The following THAP8 variants were observed in gnomAD, a reference collection of about 807,000 sequenced individuals.
THAP8 encodes THAP domain-containing protein 8.
In THAP8, 24 loss-of-function variants were observed where a neutral mutation model predicts 25.0. The observed-to-expected ratio is 0.96, with a 90% CI of 0.69 to 1.35. The LOEUF (loss-of-function observed/expected upper bound fraction) is 1.35. THAP8 is among the 40% of genes most tolerant of loss of function. The pLI is 0.00. For missense variants in THAP8, 399 were observed against 368.8 expected, an observed-to-expected ratio of 1.08 and a Z score of -0.67; for synonymous variants, 169 against 157.6, an observed-to-expected ratio of 1.07 and a Z score of -0.54.
chr19:36,036,272 CT>C (rs35918803), intron 3 of THAP8, among the ~76,000 whole-genome samples: 64 of 110,462 alleles, frequency 5.8e-4, no homozygotes, highest in South Asian at 5.2e-3. Flanking sequence ...AAAGACCAGA[CT>C]TTTTTTTTTT....
At chr19:36,054,573 C>T, upstream of THAP8, 1 of 547,170 alleles carries the variant, frequency 1.8e-6, no homozygotes, top group Non-Finnish European at 3.3e-6. Flanking sequence ...TACGGCTCCA[C>T]CCTACGCCTA....
intron 3 of THAP8, among the ~76,000 whole-genome samples, chr19:36,037,343 T>TACACACACACACACACAC (rs58349186): frequency 9.7e-4 from 111 of 114,816 alleles, no homozygotes; most frequent in African/African-American, 3.4e-3. Context: ...ATTCCTCCCC[T>TACACACACACACACACAC]ACACACACAC....
intron 3 of THAP8, among the ~76,000 whole-genome samples, chr19:36,036,245 T>G (rs1333120860): frequency 6.7e-6 from 1 of 150,168 alleles, no homozygotes; most frequent in Non-Finnish European, 1.5e-5. Flanking sequence ...TGCTGCTAGA[T>G]ATGCAGAGCC....
chr19:36,046,122 C>T (rs1199348545), intron 1 of THAP8: 2 of 356,724 alleles, frequency 5.6e-6, no homozygotes, highest in Non-Finnish European at 1.1e-5. Flanking sequence ...TGGGAGGTGA[C>T]TGGATCATGG....
intron 1 of THAP8, among the ~76,000 whole-genome samples, chr19:36,045,264 ATATTTATT>A (rs777511323): frequency 1.1e-4 from 16 of 148,998 alleles, no homozygotes; most frequent in South Asian, 2.1e-4. Flanking sequence ...ATTTTTTTGT[ATATTTATT>A]TATTTATTTA....
chr19:36,044,224 GT>G lies in THAP8; in HGVS notation c.84-4089del, dbSNP rs199951171. ...AAGCTGCTAAATTTGGGGATAGTTT[GT>G]TATATAGCATTAGATAACTAAGACA... On this transcript the variant is annotated intron_variant, in intron 1 of 3. Transcript: ENST00000292894. 5.0e-4 allele frequency among the ~76,000 whole-genome samples: 76 copies of G among 152,242 alleles called. 1 individual carries two copies. The East Asian group carries it at 0.012, about 25-fold the overall frequency.
At chr19:36,037,276 ACACCT>A (rs2145425892) in intron 3 of THAP8, among the ~76,000 whole-genome samples, 1 of 125,052 alleles carries the variant, frequency 8.0e-6, no homozygotes, top group East Asian at 2.3e-4. Flanking sequence ...ACACACACAC[ACACCT>A]TCCTCAGCTT....
intron 1 of THAP8, among the ~76,000 whole-genome samples, chr19:36,048,429 G>C (rs1464557283): frequency 1.3e-5 from 2 of 151,242 alleles, no homozygotes; most frequent in South Asian, 2.1e-4. Flanking sequence ...GCAGTGGCGC[G>C]ATCTTGGCTG....
chr19:36,054,331 T>G, upstream of THAP8: 1 of 1,276,088 alleles, frequency 7.8e-7, no homozygotes, highest in South Asian at 1.3e-5. Flanking sequence ...GTGACGTCCG[T>G]GGAGTCTCGT....
intron 1 of THAP8, chr19:36,046,065 A>T (rs1282552574): frequency 1.1e-5 from 4 of 364,084 alleles, no homozygotes; most frequent in Non-Finnish European, 2.2e-5. Context: ...TCCCCACCCA[A>T]ATCTCATCTT....
chr19:36,040,013 C>A lies in THAP8; in HGVS notation c.207G>T (p.Trp69Cys). ...SEHFTPSCFQ[W>C]RWGVRYLRPD... ...GCCGCAGGTAGCGCACACCCCAGCGCCACTGGAAGCAGGAGGGTGTGAAGT... is the reference window on the plus strand; with the variant it reads ...GCCGCAGGTAGCGCACACCCCAGCGACACTGGAAGCAGGAGGGTGTGAAGT... The change falls in exon 2 of 4, where the codon TGG becomes TGT. Residue 69 changes from tryptophan to cysteine, a missense_variant. Physicochemically the swap from Trp to Cys is radical, Grantham distance 215. Coordinates refer to ENST00000292894, the MANE Select transcript of THAP8 (RefSeq NM_152658.3). 6.2e-7 allele frequency: 1 copy of A among 1,613,822 alleles called. No homozygotes were observed. Among genetic ancestry groups the A allele is most frequent in the South Asian group, 1.1e-5 (1 of 91,084 alleles).
chr19:36,050,796 G>A (rs1970034221), intron 1 of THAP8, among the ~76,000 whole-genome samples: 1 of 152,154 alleles, frequency 6.6e-6, no homozygotes, highest in African/African-American at 2.4e-5. Flanking sequence ...GTCATACACA[G>A]GCTTAAAGTC....
At chr19:36,038,865 AAATT>A (rs1969575873) in intron 3 of THAP8, among the ~76,000 whole-genome samples, 1 of 152,040 alleles carries the variant, frequency 6.6e-6, no homozygotes, top group Admixed American at 6.6e-5. Flanking sequence ...AAAAAAAAAA[AAATT>A]AACCCTGTAG....
At chr19:36,053,911 C>T (rs573381761) in intron 1 of THAP8, among the ~76,000 whole-genome samples, 1 of 152,232 alleles carries the variant, frequency 6.6e-6, no homozygotes, top group African/African-American at 2.4e-5. Context: ...CACTCTTCGG[C>T]TCGCTTCGCT....
intron 1 of THAP8, among the ~76,000 whole-genome samples, chr19:36,043,996 T>A (rs567349439): frequency 1.3e-5 from 2 of 152,304 alleles, no homozygotes; most frequent in African/African-American, 4.8e-5. Flanking sequence ...ACTTCTCCGG[T>A]TTCCGGGTGC....
chr19:36,038,719 C>T (rs866298866), intron 3 of THAP8, among the ~76,000 whole-genome samples: 2 of 151,940 alleles, frequency 1.3e-5, no homozygotes, highest in Admixed American at 6.6e-5. Context: ...AGCGTGGTGG[C>T]GGGCACCTGT....
intron 1 of THAP8, 73 bp downstream of exon 1, chr19:36,054,062 G>T: frequency 6.6e-7 from 1 of 1,517,820 alleles, no homozygotes; most frequent in Non-Finnish European, 9.0e-7. Context: ...GCCCCGCACA[G>T]CAGCACTAAT....
intron 1 of THAP8, among the ~76,000 whole-genome samples, chr19:36,053,552 CAAA>C (rs766799036): frequency 3.4e-5 from 2 of 58,926 alleles, no homozygotes; most frequent in Non-Finnish European, 6.8e-5. Context: ...GATCTTGTCT[CAAA>C]AAAAAAAAAA....
rs781493307 is a variant in THAP8, at chr19:36,046,853, G to A, written c.84-6717C>T. ...TGTTTCCCAGGATCCTTTGCAGCTGGCTGGGGCGTGTGACTACCTTCTGGC... is the reference window on the plus strand; with the variant it reads ...TGTTTCCCAGGATCCTTTGCAGCTGACTGGGGCGTGTGACTACCTTCTGGC... On this transcript the variant is annotated intron_variant, in intron 1 of 3. Transcript: ENST00000292894. Among the ~76,000 whole-genome samples, 16 of 152,328 alleles carry A rather than the reference G, an allele frequency of 1.1e-4. No individual in the cohort carries two copies. The East Asian group carries it at 2.7e-3, about 26-fold the overall frequency.
Sources: gnomAD v4.1 joint callset for allele counts (sites outside exome capture counted in the v4.1 genomes callset) on GRCh38, gnomAD v4.1.1 for gene constraint, MANE v1.5 for transcripts, NCBI Gene and HGNC (gene_info 2026-07-23, HGNC 2026-07-21) for gene names.